BICC1: variants seen among roughly 807,000 people sequenced by gnomAD.
BICC1 encodes BicC family RNA binding protein 1.
BICC1 carries 43 observed loss-of-function variants against 111.0 expected under a neutral mutation model. The observed-to-expected ratio is 0.39, with a 90% CI of 0.30 to 0.50. The LOEUF is 0.50. Ranked by LOEUF, BICC1 falls within the 20% of genes least tolerant of loss-of-function variation. The pLI is 0.88. For synonymous variants in BICC1, 467 were observed against 434.4 expected (o/e 1.07, Z -0.93); for missense variants, 1,091 against 1,203.2 (o/e 0.91, Z 1.38).
In BICC1 at chr10:58,701,265, G is replaced by T. The variant is rs1451244160; in HGVS notation, c.238-809G>T. ...TATTGGTTAGTAGTTTGCTCTATTA[G>T]TTTGGTTAATTCTATGTTTGTCTTA... On this transcript the variant is annotated intron_variant, in intron 2 of 20. Transcript: ENST00000373886. Among the ~76,000 whole-genome samples the T allele has an allele frequency of 2.6e-5, 4 of 152,164 alleles. No individual in the cohort carries two copies. In the East Asian group the frequency reaches 5.8e-4, roughly 22 times the overall value.
intron 3 of BICC1, among the ~76,000 whole-genome samples, chr10:58,763,884 C>T (rs770797941): frequency 3.3e-5 from 5 of 151,852 alleles, no homozygotes; most frequent in Non-Finnish European, 7.4e-5. Context: ...CACAAGTAGA[C>T]GCCCTAGGCA....
chr10:58,747,531 T>G (rs1841868776), intron 3 of BICC1, among the ~76,000 whole-genome samples: 1 of 152,148 alleles, frequency 6.6e-6, no homozygotes, highest in African/African-American at 2.4e-5. Flanking sequence ...TGTGATGATG[T>G]TTTGATATAT....
At chr10:58,699,519 T>A (rs1840165857) in intron 2 of BICC1, among the ~76,000 whole-genome samples, 1 of 152,214 alleles carries the variant, frequency 6.6e-6, no homozygotes, top group Non-Finnish European at 1.5e-5. Context: ...TTAGGTCTTC[T>A]ACACATATGT....
chr10:58,753,086 C>G (rs534874473), intron 3 of BICC1, among the ~76,000 whole-genome samples: 15 of 152,286 alleles, frequency 9.8e-5, no homozygotes, highest in South Asian at 2.1e-4. Context: ...TTTACACTGC[C>G]TCTGCTGGGC....
rs184893055 is a variant in BICC1 at position 58,552,339 on chromosome 10, T to A, written c.190+39006T>A. 3.7e-3 allele frequency among the ~76,000 whole-genome samples: 570 copies of A among 152,160 alleles called. 4 individuals carry two copies. Among genetic ancestry groups the A allele is most frequent in the African/African-American group, 0.013 (544 of 41,548 alleles). ...TTATTTCTTTTTTTATTATTTTATTTATTTATTTATTTTTGAGATGGAGTC... is the reference window on the plus strand; with the variant it reads ...TTATTTCTTTTTTTATTATTTTATTAATTTATTTATTTTTGAGATGGAGTC... On this transcript the variant is annotated intron_variant, in intron 1 of 20. Transcript: ENST00000373886.
intron 17 of BICC1, among the ~76,000 whole-genome samples, chr10:58,812,463 ATTTCTTTTCT>A (rs1302992170): frequency 2.6e-5 from 4 of 151,158 alleles, no homozygotes; most frequent in East Asian, 3.9e-4. Context: ...GTGATTCTAA[ATTTCTTTTCT>A]TTTCTTTTCT....
chr10:58,649,060 A>G (rs1838360870), intron 2 of BICC1, among the ~76,000 whole-genome samples: 1 of 152,196 alleles, frequency 6.6e-6, no homozygotes, highest in African/African-American at 2.4e-5. Context: ...CCTTCTCCCC[A>G]ATAAGAAGAT....
chr10:58,738,224 C>A (rs946100647), intron 3 of BICC1, among the ~76,000 whole-genome samples: 2 of 152,126 alleles, frequency 1.3e-5, no homozygotes, highest in East Asian at 3.8e-4. Flanking sequence ...GGTTTTAGGT[C>A]TAACAATTAA....
In BICC1 at chr10:58,800,883, T is replaced by A; in HGVS notation, c.1859-7T>A. ...GTGTTTCACTTTTTTTTCCTTTTCC[T>A]CTGCAGGTTGTAATGATGCTTTTGT... is the stretch of plus-strand genomic sequence containing the variant. On this transcript the variant is annotated splice_polypyrimidine_tract_variant and splice_region_variant and intron_variant, in intron 13 of 20. Transcript: ENST00000373886. 6.3e-7 allele frequency: 1 copy of A among 1,581,800 alleles called. No individual in the cohort carries two copies. The highest frequency in any genetic ancestry group is 1.7e-4 in the Middle Eastern group (1 of 5,908).
At chr10:58,617,588 C>A (rs6481411) in intron 1 of BICC1, among the ~76,000 whole-genome samples, 45,552 of 152,116 alleles carry the variant, frequency 0.3, 7,056 homozygotes, top group South Asian at 0.37. Context: ...AGTACTGACG[C>A]CATATGGTTT....
intron 1 of BICC1, among the ~76,000 whole-genome samples, chr10:58,543,720 C>G (rs1220923419): frequency 6.6e-6 from 1 of 151,288 alleles, no homozygotes; most frequent in Non-Finnish European, 1.5e-5. Context: ...GTTGCCCAGG[C>G]TAGTGTTGAA....
chr10:58,596,167 T>C (rs920845516), intron 1 of BICC1, among the ~76,000 whole-genome samples: 44 of 152,150 alleles, frequency 2.9e-4, no homozygotes, highest in African/African-American at 1.1e-3. Context: ...CAGGAAGAAG[T>C]TGAATCCCTG....
At chr10:58,651,602 C>T (rs947218988) in intron 2 of BICC1, among the ~76,000 whole-genome samples, 1 of 152,216 alleles carries the variant, frequency 6.6e-6, no homozygotes, top group South Asian at 2.1e-4. Flanking sequence ...TCCTGATTTT[C>T]CTTATGAGAT....
At chr10:58,747,337 A>T (rs1025095051) in intron 3 of BICC1, among the ~76,000 whole-genome samples, 1 of 152,138 alleles carries the variant, frequency 6.6e-6, no homozygotes, top group African/African-American at 2.4e-5. Context: ...CATTTTGATT[A>T]TATCTTTGTA....
intron 3 of BICC1, among the ~76,000 whole-genome samples, chr10:58,764,062 A>G (rs1245294657): frequency 6.6e-6 from 1 of 152,214 alleles, no homozygotes; most frequent in African/African-American, 2.4e-5. Context: ...ACAGTAACAC[A>G]TACTGATGTT....
chr10:58,709,591 A>G (rs1277918260), intron 3 of BICC1, among the ~76,000 whole-genome samples: 1 of 152,264 alleles, frequency 6.6e-6, no homozygotes, highest in Non-Finnish European at 1.5e-5. Context: ...CAACTCAATC[A>G]TGGAAACAGT....
intron 14 of BICC1, 56 bp from the exon 15 acceptor site, chr10:58,803,021 A>G: frequency 2.1e-6 from 3 of 1,440,060 alleles, no homozygotes; most frequent in Non-Finnish European, 2.8e-6. Context: ...TGTAGGAAAC[A>G]TTCAGTACAT....
chr10:58,657,733 T>C, intron 2 of BICC1, among the ~76,000 whole-genome samples: 1 of 152,230 alleles, frequency 6.6e-6, no homozygotes, highest in Non-Finnish European at 1.5e-5. Context: ...AATTTGCTTT[T>C]AACTTTTTGA....
At chr10:58,814,502 C>T (rs1844022179) in intron 18 of BICC1, among the ~76,000 whole-genome samples, 1 of 151,828 alleles carries the variant, frequency 6.6e-6, no homozygotes, top group African/African-American at 2.4e-5. Context: ...TGGTTGAGGC[C>T]AGGCATGGCA....
Sources: allele counts gnomAD v4.1 joint callset (sites outside exome capture counted in the v4.1 genomes callset), GRCh38; gene constraint gnomAD v4.1.1; transcripts MANE v1.5; gene names NCBI Gene and HGNC (gene_info 2026-07-23, HGNC 2026-07-21).